BIRC6: variants seen among roughly 807,000 people sequenced by gnomAD.
BIRC6 encodes dual E2 ubiquitin-conjugating enzyme/E3 ubiquitin-protein ligase BIRC6.
A neutral mutation model predicts 503.3 loss-of-function variants in BIRC6; 98 were observed. That is an observed-to-expected ratio of 0.19 (90% CI 0.17 to 0.23). The LOEUF is 0.23. Ranked by LOEUF, BIRC6 falls within the 10% of genes least tolerant of loss-of-function variation. The probability of loss-of-function intolerance (pLI) is 1.00; values close to 1 mark genes in which losing one functional copy is unlikely to be tolerated. For synonymous variants in BIRC6, 2,240 were observed against 2,078.7 expected (o/e 1.08, Z -2.11); for missense variants, 5,360 against 5,806.0 (o/e 0.92, Z 2.50).
At chr2:32,540,171 C>T (rs1396151706) in intron 61 of BIRC6, among the ~76,000 whole-genome samples, 2 of 151,970 alleles carry the variant, frequency 1.3e-5, no homozygotes, top group Non-Finnish European at 2.9e-5. Flanking sequence ...TTTTTAAGTA[C>T]CATGGTTATG....
At chr2:32,481,253 A>T in intron 37 of BIRC6, 67 bp from the exon 38 acceptor site, 2 of 1,344,266 alleles carry the variant, frequency 1.5e-6, no homozygotes, top group South Asian at 4.2e-5. Context: ...TTTTAACTAA[A>T]AGCATTATGT....
At chr2:32,449,985 C>G (rs1255036602) in intron 22 of BIRC6, among the ~76,000 whole-genome samples, 1 of 152,134 alleles carries the variant, frequency 6.6e-6, no homozygotes. Flanking sequence ...AGTGATGCAT[C>G]AATTAGACCA....
At chr2:32,593,740 A>G (rs2061518251) in intron 66 of BIRC6, among the ~76,000 whole-genome samples, 175 bp from the exon 67 acceptor site, 1 of 152,192 alleles carries the variant, frequency 6.6e-6, no homozygotes, top group African/African-American at 2.4e-5. Context: ...ATTTTATATT[A>G]GAAGGGAAAA....
chr2:32,500,140 G>C, intron 46 of BIRC6, 31 bp downstream of exon 46: 2 of 1,528,012 alleles, frequency 1.3e-6, no homozygotes, highest in Non-Finnish European at 8.9e-7. Context: ...TCTTACCATT[G>C]TCTCTGATAC....
chr2:32,459,432 A>G (rs1010275275), intron 23 of BIRC6, among the ~76,000 whole-genome samples: 5 of 151,588 alleles, frequency 3.3e-5, no homozygotes, highest in African/African-American at 4.9e-5. Flanking sequence ...TTTTTGGTCA[A>G]TGTGTGTTTT....
chr2:32,564,437 A>G (rs188943018), intron 65 of BIRC6: 12 of 152,294 alleles, frequency 7.9e-5, no homozygotes, highest in Admixed American at 7.8e-4. Context: ...TTAGCATACA[A>G]ATATCTATTG....
At position 32,401,223 on chromosome 2, in the gene BIRC6, T is replaced by C; in HGVS notation, c.1095T>C (p.Asn365=). Residue 365 remains asparagine, a synonymous_variant, in exon 7 of 74, where the codon AAT becomes AAC. Coordinates refer to ENST00000421745, the MANE Select transcript of BIRC6 (RefSeq NM_016252.4). ...CPFVKGEHTQ[N]VPLSVTLATS... ...TTGTGAAAGGTGAGCACACACAGAATGTGCCATTGTCAGTCACTCTTGCAA... is the reference window on the plus strand; with the variant it reads ...TTGTGAAAGGTGAGCACACACAGAACGTGCCATTGTCAGTCACTCTTGCAA... The C allele has an allele frequency of 1.2e-6, 2 of 1,614,058 alleles. No individual in the cohort carries two copies. Among genetic ancestry groups the C allele is most frequent in the Non-Finnish European group, 1.7e-6 (2 of 1,179,906 alleles).
chr2:32,383,362 A>G (rs1469698367), intron 3 of BIRC6, among the ~76,000 whole-genome samples: 1 of 152,054 alleles, frequency 6.6e-6, no homozygotes, highest in Admixed American at 6.5e-5. Context: ...AAGAGGATAT[A>G]TTGGTCAAGA....
chr2:32,605,608 A>G (rs2062396162), intron 71 of BIRC6, among the ~76,000 whole-genome samples: 1 of 152,166 alleles, frequency 6.6e-6, no homozygotes, highest in Non-Finnish European at 1.5e-5. Context: ...TCTTGCCTGT[A>G]ATTTCAGCAC....
rs1001023470 is a variant in BIRC6, at chr2:32,517,261, G to T, written c.11350-993G>T. Among the ~76,000 whole-genome samples the T allele has an allele frequency of 2.0e-5, 3 of 152,182 alleles. No homozygotes were observed. The South Asian group carries it at 6.2e-4, about 32-fold the overall frequency. ...GAGGCTTGAGGTGGGAGGATCACTT[G>T]AGCCTAGGAGGTTGAGGCTGTAGTG... On this transcript the variant is annotated intron_variant, in intron 55 of 73. Coordinates refer to ENST00000421745, the MANE Select transcript of BIRC6 (RefSeq NM_016252.4).
At chr2:32,575,807 G>A (rs1424503588) in intron 66 of BIRC6, among the ~76,000 whole-genome samples, 3 of 151,278 alleles carry the variant, frequency 2.0e-5, no homozygotes, top group Non-Finnish European at 4.4e-5. Context: ...TCACACACAA[G>A]CAATAAATAA....
chr2:32,486,111 T>G (rs1400212482), intron 40 of BIRC6, among the ~76,000 whole-genome samples: 2 of 152,194 alleles, frequency 1.3e-5, no homozygotes, highest in Admixed American at 6.5e-5. Flanking sequence ...ATGAAGTAGA[T>G]TTTTTGTAGT....
intron 6 of BIRC6, among the ~76,000 whole-genome samples, chr2:32,397,120 T>C (rs2039986935): frequency 6.6e-6 from 1 of 152,218 alleles, no homozygotes; most frequent in African/African-American, 2.4e-5. Context: ...TATCTTACTG[T>C]ACTGTACTCA....
intron 66 of BIRC6, among the ~76,000 whole-genome samples, chr2:32,587,971 C>CTAG (rs2061164271): frequency 6.6e-6 from 1 of 152,108 alleles, no homozygotes; most frequent in East Asian, 1.9e-4. Flanking sequence ...GTTTGGTTAT[C>CTAG]TCTCTAGTAT....
intron 45 of BIRC6, among the ~76,000 whole-genome samples, chr2:32,495,921 G>T (rs1326777197): frequency 1.1e-4 from 16 of 150,022 alleles, no homozygotes; most frequent in African/African-American, 3.9e-4. Context: ...CACTGCAAGC[G>T]CCGCCTCCTG....
chr2:32,577,928 GATATA>G (rs1329813186), intron 66 of BIRC6, among the ~76,000 whole-genome samples: 1 of 152,156 alleles, frequency 6.6e-6, no homozygotes, highest in Non-Finnish European at 1.5e-5. Context: ...TGCATGTGAA[GATATA>G]ATGAGTGTTC....
intron 1 of BIRC6, among the ~76,000 whole-genome samples, chr2:32,375,439 A>G (rs1051368371): frequency 6.6e-6 from 1 of 152,054 alleles, no homozygotes; most frequent in African/African-American, 2.4e-5. Context: ...CTTGAGCCCC[A>G]GGCGTTGCCC....
chr2:32,475,197 T>G (rs1047820476), intron 33 of BIRC6, among the ~76,000 whole-genome samples: 1 of 149,694 alleles, frequency 6.7e-6, no homozygotes, highest in African/African-American at 2.5e-5. Flanking sequence ...ATAGTAGTAA[T>G]TTAGAAAGTG....
rs559273849 is a variant in BIRC6 at position 32,471,836 on chromosome 2, A to G, written c.6592+712A>G. ...TGTAGTATGTAAGCCATTGAAATCCATAAAATTTGGAATTCTGTACATTGT... is the reference window on the plus strand; with the variant it reads ...TGTAGTATGTAAGCCATTGAAATCCGTAAAATTTGGAATTCTGTACATTGT... On this transcript the variant is annotated intron_variant, in intron 32 of 73. Coordinates refer to ENST00000421745, the MANE Select transcript of BIRC6 (RefSeq NM_016252.4). Among the ~76,000 whole-genome samples, 31 of 152,278 alleles carry G rather than the reference A, an allele frequency of 2.0e-4. No individual in the cohort carries two copies. In the East Asian group the frequency reaches 5.6e-3, roughly 28 times the overall value.
Sources: gnomAD v4.1 joint callset for allele counts (sites outside exome capture counted in the v4.1 genomes callset) on GRCh38, gnomAD v4.1.1 for gene constraint, MANE v1.5 for transcripts, NCBI Gene and HGNC (gene_info 2026-07-23, HGNC 2026-07-21) for gene names.